The following ASH1L variants were observed in gnomAD, a reference collection of about 807,000 sequenced individuals.
ASH1L encodes ASH1 like histone lysine methyltransferase.
ASH1L carries 23 observed loss-of-function variants against 269.0 expected under a neutral mutation model. The ratio of observed to expected loss-of-function variants is 0.09; its 90% CI spans 0.06 to 0.12. ASH1L has a LOEUF of 0.12. Among genes scored for constraint, ASH1L ranks in the 10% least tolerant of loss-of-function variants. The pLI, the probability that ASH1L is intolerant of heterozygous loss-of-function variation, is 1.00. For missense variants in ASH1L, 2,912 were observed against 3,567.8 expected, an observed-to-expected ratio of 0.82 and a Z score of 4.68; for synonymous variants, 1,187 against 1,253.5, an observed-to-expected ratio of 0.95 and a Z score of 1.12.
At chr1:155,544,309 T>C (rs1280923501) in intron 1 of ASH1L, among the ~76,000 whole-genome samples, 2 of 151,256 alleles carry the variant, frequency 1.3e-5, no homozygotes, top group African/African-American at 4.9e-5. Context: ...TTTTTTGAGA[T>C]ATAGTCTCAC....
At chr1:155,473,065 T>C (rs1445110295) in intron 3 of ASH1L, among the ~76,000 whole-genome samples, 1 of 152,190 alleles carries the variant, frequency 6.6e-6, no homozygotes, top group East Asian at 1.9e-4. Context: ...CATTGATAAA[T>C]ACAAGAATGA....
At chr1:155,424,703 G>A (rs1422830302) in intron 5 of ASH1L, among the ~76,000 whole-genome samples, 4 of 152,064 alleles carry the variant, frequency 2.6e-5, no homozygotes, top group South Asian at 2.1e-4. Flanking sequence ...TACCATGCTC[G>A]GCCTATTACA....
In ASH1L at chr1:155,485,430, C is replaced by T. The variant is rs895049883; in HGVS notation, c.421-2981G>A. On this transcript the variant is annotated intron_variant, in intron 2 of 27. Transcript: ENST00000392403. ...AATGCCTGGGCTTAAGCCATCCTCC[C>T]CCCGCTCAGCCTTCTGAGTAGTTGG... Among the ~76,000 whole-genome samples the T allele has an allele frequency of 7.9e-5, 12 of 152,276 alleles. No individual in the cohort carries two copies. In the East Asian group the frequency reaches 1.3e-3, roughly 17 times the overall value.
In ASH1L at chr1:155,459,865, C is replaced by T. The variant is rs747601173; in HGVS notation, c.5018G>A (p.Arg1673Gln). 7 of 1,611,290 alleles carry T rather than the reference C, an allele frequency of 4.3e-6. No homozygotes were observed. Among genetic ancestry groups the T allele is most frequent in the African/African-American group, 2.7e-5 (2 of 74,688 alleles). ...SQPTSDKPSQRPSESTNCSPT... is the reference protein window; with the variant it reads ...SQPTSDKPSQQPSESTNCSPT... Reference sequence around the variant, plus strand: ...GCTACAATTTGTGCTCTCTGATGGCCGCTGGGAGGGTTTATCAGAGGTTGG... The same window carrying T: ...GCTACAATTTGTGCTCTCTGATGGCTGCTGGGAGGGTTTATCAGAGGTTGG... Residue 1673 changes from arginine to glutamine, a missense_variant, in exon 4 of 28, where the codon CGG becomes CAG. This residue lies in a region of ASH1L where 789 missense variants were observed against 897.6 expected (regional missense o/e 0.88). Transcript: ENST00000392403.
chr1:155,460,408 G>C (rs897584629), intron 3 of ASH1L, among the ~76,000 whole-genome samples: 5 of 152,170 alleles, frequency 3.3e-5, no homozygotes, highest in Admixed American at 6.5e-5. Context: ...AAGAGTTTGA[G>C]ACCAGCCTGG....
intron 1 of ASH1L, among the ~76,000 whole-genome samples, chr1:155,530,565 A>C (rs1044016229): frequency 2.7e-5 from 4 of 147,484 alleles, no homozygotes; most frequent in African/African-American, 9.9e-5. Context: ...GTCTCTACTA[A>C]AAAAAAAAAA....
intron 1 of ASH1L, among the ~76,000 whole-genome samples, chr1:155,537,058 G>A (rs1670106738): frequency 6.6e-6 from 1 of 150,504 alleles, no homozygotes; most frequent in Non-Finnish European, 1.5e-5. Context: ...AAAAAAAAAG[G>A]GAAAAAAGAA....
chr1:155,422,150 T>C (rs933838202), intron 5 of ASH1L, among the ~76,000 whole-genome samples: 1 of 152,152 alleles, frequency 6.6e-6, no homozygotes, highest in Admixed American at 6.6e-5. Flanking sequence ...ACTTTTATTC[T>C]TTTTTGAGTC....
chr1:155,509,007 C>A (rs1189581778), intron 2 of ASH1L, among the ~76,000 whole-genome samples: 1 of 151,956 alleles, frequency 6.6e-6, no homozygotes, highest in Non-Finnish European at 1.5e-5. Flanking sequence ...GCTCCAAATT[C>A]AACCACAGAT....
At position 155,521,341 on chromosome 1, in the gene ASH1L, G is replaced by C. The variant is rs767568776; in HGVS notation, c.179C>G (p.Ala60Gly). 1.2e-6 allele frequency: 2 copies of C among 1,614,050 alleles called. No homozygotes were observed. The highest frequency in any genetic ancestry group is 2.2e-5 in the East Asian group (1 of 44,874). ...RKRNRERNIE[A>G]GKDDGLTDAQ... is the part of the protein sequence containing the mutation. ...ATCAGTCAAACCATCATCTTTCCCA[G>C]CTTCGATGTTTCTTTCTCGATTCCG... Residue 60 changes from alanine to glycine, a missense_variant, in exon 2 of 28, where the codon GCT becomes GGT. Ala to Gly is a moderately conservative substitution (Grantham distance 60). This residue lies in a region of ASH1L where 115 missense variants were observed against 101.5 expected (regional missense o/e 1.13). Coordinates refer to ENST00000392403, the MANE Select transcript of ASH1L (RefSeq NM_018489.3).
intron 1 of ASH1L, among the ~76,000 whole-genome samples, chr1:155,538,641 C>CTTT (rs35340905): frequency 1.4e-4 from 15 of 107,952 alleles, no homozygotes; most frequent in East Asian, 3.0e-4. Context: ...TGTACCCAGC[C>CTTT]TTTTTTTTTT....
chr1:155,428,267 C>T (rs1378924718), intron 5 of ASH1L, among the ~76,000 whole-genome samples: 3 of 151,854 alleles, frequency 2.0e-5, no homozygotes, highest in East Asian at 1.9e-4. Flanking sequence ...GGTGAAACCC[C>T]GTCTCTACTA....
At chr1:155,545,175 CAAAAAAAAAAAAAAAA>C (rs10624841) in intron 1 of ASH1L, among the ~76,000 whole-genome samples, 42 of 21,784 alleles carry the variant, frequency 1.9e-3, no homozygotes, top group East Asian at 0.014. Context: ...TCCATCTCAC[CAAAAAAAAAAAAAAAA>C]AAAAAAAAAA....
Position 155,343,854 on chromosome 1 carries a change from T to C in ASH1L, c.7982-112A>G. 1 of 1,240,984 alleles carries C rather than the reference T, an allele frequency of 8.1e-7. No homozygotes were observed. Among genetic ancestry groups the C allele is most frequent in the Non-Finnish European group, 1.1e-6 (1 of 894,250 alleles). The allele number at this position is 1,240,984 out of a possible 1,614,324, so 76.9% of individuals were successfully genotyped here. ...ATAGAACTCATAATCTGAAACAGTA[T>C]AAATACAGAGAGCTAAAAGCAGCAG... On this transcript the variant is annotated intron_variant, in intron 22 of 27. Transcript: ENST00000392403. This position sits in a 1 kb window ranked among gnomAD's most constrained non-coding sequence, Gnocchi z 6.1.
At chr1:155,369,740 G>A (rs1655768545) in intron 12 of ASH1L, among the ~76,000 whole-genome samples, 1 of 152,106 alleles carries the variant, frequency 6.6e-6, no homozygotes, top group South Asian at 2.1e-4. Flanking sequence ...ACAGTGCCTA[G>A]CACATAGTAA....
chr1:155,341,180 T>A (rs189117716), intron 25 of ASH1L, among the ~76,000 whole-genome samples: 1 of 140,820 alleles, frequency 7.1e-6, no homozygotes, highest in Non-Finnish European at 1.5e-5. Flanking sequence ...ATGTTCACAA[T>A]TTTTTTTTTT....
intron 1 of ASH1L, among the ~76,000 whole-genome samples, chr1:155,523,873 G>A (rs188049305): frequency 6.6e-6 from 1 of 152,070 alleles, no homozygotes; most frequent in Non-Finnish European, 1.5e-5. Context: ...AAAAAAAGGT[G>A]CCAATAATTT....
chr1:155,483,938 C>T (rs949252045), intron 2 of ASH1L, among the ~76,000 whole-genome samples: 1 of 151,986 alleles, frequency 6.6e-6, no homozygotes, highest in Admixed American at 6.6e-5. Context: ...CTATGCTATG[C>T]TATGCCTTAT....
chr1:155,462,482 T>C (rs1017422756), intron 3 of ASH1L, among the ~76,000 whole-genome samples: 1 of 152,216 alleles, frequency 6.6e-6, no homozygotes, highest in African/African-American at 2.4e-5. Flanking sequence ...ACAGGCACTT[T>C]CTTCAAAGCT....
Sources: gnomAD v4.1 joint callset for allele counts (sites outside exome capture counted in the v4.1 genomes callset) on GRCh38, gnomAD v4.1.1 for gene constraint, gnomAD v4.1.1 regional missense constraint, Gnocchi (gnomAD v3.1) non-coding constraint, MANE v1.5 for transcripts, NCBI Gene and HGNC (gene_info 2026-07-23, HGNC 2026-07-21) for gene names.